CDH4: variants seen among roughly 807,000 people sequenced by gnomAD.
CDH4 encodes cadherin 4.
CDH4 carries 33 observed loss-of-function variants against 86.0 expected under a neutral mutation model. That is an observed-to-expected ratio of 0.38 (90% confidence interval 0.29 to 0.51). The LOEUF is 0.51. CDH4 is among the 20% of genes least tolerant of loss of function. The pLI is 0.86. For missense variants in CDH4, 1,114 were observed against 1,307.4 expected, an observed-to-expected ratio of 0.85 and a Z score of 2.28; for synonymous variants, 555 against 549.4, an observed-to-expected ratio of 1.01 and a Z score of -0.14.
chr20:61,400,985 A>G (rs1424635925), intron 2 of CDH4, among the ~76,000 whole-genome samples: 2 of 152,222 alleles, frequency 1.3e-5, no homozygotes, highest in African/African-American at 4.8e-5. Context: ...GCCAGCATGC[A>G]GATGCAACCC....
intron 2 of CDH4, among the ~76,000 whole-genome samples, chr20:61,453,270 G>A (rs1360562826): frequency 1.3e-5 from 2 of 152,178 alleles, no homozygotes; most frequent in Non-Finnish European, 2.9e-5. Flanking sequence ...AGCAGTGGCA[G>A]TGATGGGGGA....
chr20:61,254,690 G>A (rs548303577), intron 1 of CDH4, 136 bp from the exon 2 acceptor site: 1 of 684,090 alleles, frequency 1.5e-6, no homozygotes, highest in East Asian at 2.5e-5. Context: ...GGGGTATCGC[G>A]TCTGGGTGGA....
intron 2 of CDH4, among the ~76,000 whole-genome samples, chr20:61,549,618 C>T (rs1390311154): frequency 6.6e-6 from 1 of 152,170 alleles, no homozygotes; most frequent in Non-Finnish European, 1.5e-5. Context: ...CCTCTTTATC[C>T]CTCATCCATT....
intron 2 of CDH4, among the ~76,000 whole-genome samples, chr20:61,580,788 G>A (rs1183837841): frequency 6.6e-6 from 1 of 152,158 alleles, no homozygotes; most frequent in Non-Finnish European, 1.5e-5. Context: ...GGCGCCTAAT[G>A]GGGGCTTACA....
intron 2 of CDH4, among the ~76,000 whole-genome samples, chr20:61,725,076 C>T (rs1021429966): frequency 1.3e-5 from 2 of 152,178 alleles, no homozygotes; most frequent in Non-Finnish European, 2.9e-5. Flanking sequence ...TGTGCCATTG[C>T]ACTCCAGCCT....
intron 8 of CDH4, among the ~76,000 whole-genome samples, chr20:61,901,384 A>T (rs2054724685): frequency 6.6e-6 from 1 of 152,276 alleles, no homozygotes; most frequent in South Asian, 2.1e-4. Flanking sequence ...ATAATGTTGT[A>T]ATGTCCAAAG....
chr20:61,647,623 C>T (rs1568732042), intron 2 of CDH4, among the ~76,000 whole-genome samples: 5 of 145,362 alleles, frequency 3.4e-5, no homozygotes, highest in Admixed American at 2.1e-4. Flanking sequence ...GCTTTAGGTA[C>T]ATGGGTGGGG....
At chr20:61,526,921 C>T (rs181142433) in intron 2 of CDH4, among the ~76,000 whole-genome samples, 2 of 152,322 alleles carry the variant, frequency 1.3e-5, no homozygotes, top group East Asian at 1.9e-4. Context: ...TATGTTCTTT[C>T]GGAAAGCTTT....
intron 2 of CDH4, among the ~76,000 whole-genome samples, chr20:61,548,169 A>G (rs747221817): frequency 6.6e-6 from 1 of 152,186 alleles, no homozygotes; most frequent in Non-Finnish European, 1.5e-5. Flanking sequence ...TTAGAAAACA[A>G]TATAAGAGGT....
intron 2 of CDH4, among the ~76,000 whole-genome samples, chr20:61,409,467 C>A (rs1370185966): frequency 1.3e-5 from 2 of 152,248 alleles, no homozygotes; most frequent in African/African-American, 2.4e-5. Flanking sequence ...AAGCATCCAA[C>A]ACAAGGATTC....
At chr20:61,515,577 C>T (rs2085812806) in intron 2 of CDH4, among the ~76,000 whole-genome samples, 1 of 152,148 alleles carries the variant, frequency 6.6e-6, no homozygotes, top group African/African-American at 2.4e-5. Flanking sequence ...CCCAGGTGGC[C>T]TTCGTAAAGA....
intron 6 of CDH4, among the ~76,000 whole-genome samples, chr20:61,863,668 TC>T (rs1215500907): frequency 2.0e-5 from 3 of 152,112 alleles, no homozygotes; most frequent in African/African-American, 7.2e-5. Context: ...GGTTCCCACT[TC>T]CCAGACACCA....
At chr20:61,455,726 A>G (rs1427344639) in intron 2 of CDH4, among the ~76,000 whole-genome samples, 3 of 152,046 alleles carry the variant, frequency 2.0e-5, no homozygotes, top group African/African-American at 7.2e-5. Context: ...TACCTCTCAC[A>G]TTTCCAAACT....
chr20:61,850,413 C>A (rs2054040102), intron 5 of CDH4, among the ~76,000 whole-genome samples: 1 of 152,200 alleles, frequency 6.6e-6, no homozygotes, highest in Non-Finnish European at 1.5e-5. Context: ...TTCCAAGACC[C>A]TCATGGACTG....
intron 4 of CDH4, among the ~76,000 whole-genome samples, chr20:61,836,297 G>C (rs1481613000): frequency 6.6e-6 from 1 of 152,348 alleles, no homozygotes; most frequent in East Asian, 1.9e-4. Context: ...CAAAAATTCA[G>C]GAGGTGCCTC....
Position 61,770,664 on chromosome 20 carries a change from A to G in CDH4, c.397-2339A>G, listed in dbSNP as rs371349617. On this transcript the variant is annotated intron_variant, in intron 3 of 15. Coordinates refer to ENST00000614565, the MANE Select transcript of CDH4 (RefSeq NM_001794.5). The stretch of plus-strand genomic sequence containing the variant: ...TTTGGGAGGCTGAGACGGGAGGATC[A>G]CAAGGTCAGGAGATCGAGACCATCC... Among the ~76,000 whole-genome samples the G allele has an allele frequency of 7.5e-4, 115 of 152,340 alleles. 2 individuals are homozygous for G. Among genetic ancestry groups the G allele is most frequent in the African/African-American group, 2.3e-3 (96 of 41,582 alleles).
chr20:61,273,908 G>A lies in CDH4; in HGVS notation c.169+18971G>A, dbSNP rs1255228772. Among the ~76,000 whole-genome samples, 3 of 149,332 alleles carry A rather than the reference G, an allele frequency of 2.0e-5. No homozygotes were observed. The East Asian group carries it at 6.2e-4, about 31-fold the overall frequency. Reference sequence around the variant, plus strand: ...TGGGGGAGTACCAAGCACCCTTTAGGGGAGTACCATGTACAGTTTGGAGGA... The same window carrying A: ...TGGGGGAGTACCAAGCACCCTTTAGAGGAGTACCATGTACAGTTTGGAGGA... On this transcript the variant is annotated intron_variant, in intron 2 of 15. Transcript: ENST00000614565.
chr20:61,789,016 C>T (rs1979024726), intron 4 of CDH4, among the ~76,000 whole-genome samples: 1 of 152,212 alleles, frequency 6.6e-6, no homozygotes, highest in South Asian at 2.1e-4. Context: ...CCCCGGGGCC[C>T]TAGCATCAAG....
At chr20:61,383,603 A>G (rs796647426) in intron 2 of CDH4, among the ~76,000 whole-genome samples, 3 of 16,848 alleles carry the variant, frequency 1.8e-4, no homozygotes, top group African/African-American at 2.0e-3. Flanking sequence ...TATGATATAT[A>G]TGATATATAT....
Sources: allele counts gnomAD v4.1 joint callset (sites outside exome capture counted in the v4.1 genomes callset), GRCh38; gene constraint gnomAD v4.1.1; transcripts MANE v1.5; gene names NCBI Gene and HGNC (gene_info 2026-07-23, HGNC 2026-07-21).